The following HRK variants were observed in gnomAD, a reference collection of about 807,000 sequenced individuals.
The protein encoded by HRK is harakiri, BCL2 interacting protein, also known as activator of apoptosis harakiri.
In HRK, 6 loss-of-function variants were observed where a neutral mutation model predicts 5.9. That is an observed-to-expected ratio of 1.02 (90% CI 0.56 to 2.01). The LOEUF (loss-of-function observed/expected upper bound fraction) is 2.01, where lower values mean the gene tolerates loss of function less well. Ranked by LOEUF, HRK falls within the 30% of genes most tolerant of loss-of-function variation. The probability of loss-of-function intolerance (pLI) is 0.00; values close to 1 mark genes in which losing one functional copy is unlikely to be tolerated. For synonymous variants in HRK, 85 were observed against 65.1 expected (o/e 1.31, Z -1.47); for missense variants, 133 against 128.3 (o/e 1.04, Z -0.18).
chr12:116,881,033 T>C lies in HRK; in HGVS notation c.275A>G (p.Ter92TrpextTer55). The C allele has an allele frequency of 1.5e-6, 2 of 1,343,392 alleles. No individual in the cohort carries two copies. Among genetic ancestry groups the C allele is most frequent in the Admixed American group, 3.3e-5 (1 of 30,626 alleles). The allele number at this position is 1,343,392 out of a possible 1,614,324, so 83.2% of individuals were successfully genotyped here. Reference protein sequence around the residue: ...AAWLLGRRNL* With the variant: ...AAWLLGRRNLW ...GCCCCACCAAGAAGCCCCGCGTTCC[T>C]ACAAGTTCCGCCTGCCGAGCAGCCA... Residue 92 changes from the stop codon to tryptophan, a stop_lost, in exon 1 of 2, where the codon TAG (stop) becomes TGG (tryptophan). Transcript: ENST00000257572.
At chr12:116,864,321 TC>T (rs1463035315) in intron 1 of HRK, among the ~76,000 whole-genome samples, 1 of 152,204 alleles carries the variant, frequency 6.6e-6, no homozygotes, top group Non-Finnish European at 1.5e-5. Flanking sequence ...TGTGTGGACA[TC>T]GTGCTAAGCA....
rs1048541637 is a variant in HRK, at chr12:116,881,157, G to A, written c.151C>T (p.Arg51Trp). 5 of 1,178,870 alleles carry A rather than the reference G, an allele frequency of 4.2e-6. No homozygotes were observed. The African/African-American group carries it at 8.1e-5, about 19-fold the overall frequency. The allele number at this position is 1,178,870 out of a possible 1,614,324, so 73.0% of individuals were successfully genotyped here. A position where few individuals can be genotyped will look rare whatever the true frequency, so the allele number is the denominator to read the frequency against. ...GDELHQRTMW[R>W]RRARSRRAPA... The stretch of plus-strand genomic sequence containing the variant: ...GCCCTCCGGCTCCGCGCGCGGCGCC[G>A]CCACATGGTGCGCTGGTGCAGCTCG... Residue 51 changes from arginine (R) to tryptophan (W), a missense_variant, in exon 1 of 2, where the codon CGG becomes TGG. Arg to Trp is a moderately radical substitution (Grantham distance 101, BLOSUM62 -3). Coordinates refer to ENST00000257572, the MANE Select transcript of HRK (RefSeq NM_003806.4).
At chr12:116,864,690 T>C (rs1269571140) in intron 1 of HRK, among the ~76,000 whole-genome samples, 2 of 152,206 alleles carry the variant, frequency 1.3e-5, no homozygotes, top group African/African-American at 4.8e-5. Context: ...CCAGGTGCTA[T>C]GGCTCACGCC....
At chr12:116,880,062 T>TC in intron 1 of HRK, among the ~76,000 whole-genome samples, 1 of 151,864 alleles carries the variant, frequency 6.6e-6, no homozygotes, top group East Asian at 1.9e-4. Flanking sequence ...GGCACAATGA[T>TC]CCCCCCACCC....
intron 1 of HRK, among the ~76,000 whole-genome samples, chr12:116,863,952 T>C (rs946648360): frequency 3.3e-5 from 5 of 152,130 alleles, no homozygotes; most frequent in African/African-American, 7.2e-5. Context: ...TCGTCCCGCA[T>C]TGGCCTCCCA....
intron 1 of HRK, among the ~76,000 whole-genome samples, chr12:116,880,428 G>A (rs1042098091): frequency 2.6e-5 from 4 of 152,154 alleles, no homozygotes; most frequent in Non-Finnish European, 5.9e-5. Context: ...ACCTGGAGGG[G>A]GAGGAAGTCT....
chr12:116,856,572 G>A lies in HRK; in HGVS notation c.*4951C>T, dbSNP rs989261608. The A allele has an allele frequency of 6.6e-6, 1 of 152,190 alleles. No homozygotes were observed. Among genetic ancestry groups the A allele is most frequent in the African/African-American group, 2.4e-5 (1 of 41,448 alleles). The allele number at this position is 152,190 out of a possible 1,614,324, so 9.4% of individuals were successfully genotyped here. On this transcript the variant is annotated 3_prime_UTR_variant, in exon 2 of 2. Transcript: ENST00000257572. The surrounding 1 kb of genome is among the most constrained non-coding windows in gnomAD (Gnocchi z 4.4). ...GGCATGAGTATATAAAATCCACAACGAAACCAACCAGCCTGTCCTTGAGTG... is the reference window on the plus strand; with the variant it reads ...GGCATGAGTATATAAAATCCACAACAAAACCAACCAGCCTGTCCTTGAGTG...
chr12:116,869,197 G>C (rs1878655259), intron 1 of HRK, among the ~76,000 whole-genome samples: 1 of 152,086 alleles, frequency 6.6e-6, no homozygotes, highest in Non-Finnish European at 1.5e-5. Context: ...GGCCAGGCTG[G>C]TCTTGAACTC....
intron 1 of HRK, among the ~76,000 whole-genome samples, chr12:116,877,583 A>G (rs1262859732): frequency 2.6e-5 from 4 of 152,238 alleles, no homozygotes; most frequent in Middle Eastern, 3.2e-3. Flanking sequence ...GGCCAGCAAT[A>G]ATAATGGTAA....
chr12:116,873,607 A>C (rs1353032496), intron 1 of HRK, among the ~76,000 whole-genome samples: 1 of 152,068 alleles, frequency 6.6e-6, no homozygotes, highest in Non-Finnish European at 1.5e-5. Context: ...TCCAGGGCTC[A>C]AGCAATCTTC....
At chr12:116,870,968 G>T (rs146056247) in intron 1 of HRK, among the ~76,000 whole-genome samples, 4 of 152,312 alleles carry the variant, frequency 2.6e-5, no homozygotes, top group Non-Finnish European at 4.4e-5. Context: ...GCTCAAGCTG[G>T]AGTGCAATGG....
intron 1 of HRK, among the ~76,000 whole-genome samples, chr12:116,880,481 G>C (rs12311027): frequency 0.027 from 4,093 of 152,280 alleles, 181 homozygotes; most frequent in African/African-American, 0.093. Flanking sequence ...TCAGAGATTG[G>C]AGAAGTGACA....
Position 116,878,352 on chromosome 12 carries a change from CCT to C in HRK, c.*56+2622_*56+2623del, listed in dbSNP as rs1879012543. On this transcript the variant is annotated intron_variant, in intron 1 of 1. Coordinates refer to ENST00000257572, the MANE Select transcript of HRK (RefSeq NM_003806.4). This position sits in a 1 kb window ranked among gnomAD's most constrained non-coding sequence, Gnocchi z 4.4. Reference sequence around the variant, plus strand: ...CCTAAGGTACAGCTGTGAACATTCCCCTTTTTCTTTTAGGGTAGGGAAGGTGG... The same window carrying C: ...CCTAAGGTACAGCTGTGAACATTCCCTTTTCTTTTAGGGTAGGGAAGGTGG... 6.6e-6 allele frequency: 1 copy of C among 152,288 alleles called. No individual in the cohort carries two copies. The highest frequency in any genetic ancestry group is 1.5e-5 in the Non-Finnish European group (1 of 68,100). The allele number at this position is 152,288 out of a possible 1,614,324, so 9.4% of individuals were successfully genotyped here. A position where few individuals can be genotyped will look rare whatever the true frequency, so the allele number is the denominator to read the frequency against.
chr12:116,881,129 G>C lies in HRK; in HGVS notation c.179C>G (p.Pro60Arg). Residue 60 changes from proline to arginine, a missense_variant, in exon 1 of 2, where the codon CCG (proline) becomes CGG (arginine). By Grantham distance (103) the Pro-to-Arg change is moderately radical. Coordinates refer to ENST00000257572, the MANE Select transcript of HRK (RefSeq NM_003806.4). The part of the protein sequence containing the change: ...WRRRARSRRA[P>R]APGALPTYWP... ...GTAGGTGGGGAGCGCGCCGGGCGCC[G>C]GCGCCCTCCGGCTCCGCGCGCGGCG... 1.7e-6 allele frequency: 2 copies of C among 1,210,596 alleles called. No homozygotes were observed. The highest frequency in any genetic ancestry group is 2.1e-6 in the Non-Finnish European group (2 of 975,328). 75.0% of individuals were successfully genotyped at this position (1,210,596 alleles called of 1,614,324 possible).
rs1448580988 is a variant in HRK at position 116,879,123 on chromosome 12, C to T, written c.*56+1853G>A. 6.6e-6 allele frequency: 1 copy of T among 152,240 alleles called. No homozygotes were observed. Among genetic ancestry groups the T allele is most frequent in the Non-Finnish European group, 1.5e-5 (1 of 68,086 alleles). The allele number at this position is 152,240 out of a possible 1,614,324, so 9.4% of individuals were successfully genotyped here. A position where few individuals can be genotyped will look rare whatever the true frequency, so the allele number is the denominator to read the frequency against. ...CAGGCTCCGGCCCGGAGTCCTCGGC[C>T]TCCCGGGAGGGGCACCCGACATCCC... is the stretch of plus-strand genomic sequence containing the variant. On this transcript the variant is annotated intron_variant, in intron 1 of 1. Transcript: ENST00000257572. The surrounding 1 kb of genome is among the most constrained non-coding windows in gnomAD (Gnocchi z 5.6).
Position 116,861,048 on chromosome 12 carries a change from C to T in HRK, c.*475G>A, listed in dbSNP as rs911566272. 1 of 152,076 alleles carries T rather than the reference C, an allele frequency of 6.6e-6. No homozygotes were observed. Among genetic ancestry groups the T allele is most frequent in the Admixed American group, 6.6e-5 (1 of 15,262 alleles). The allele number at this position is 152,076 out of a possible 1,614,324, so 9.4% of individuals were successfully genotyped here. A position where few individuals can be genotyped will look rare whatever the true frequency, so the allele number is the denominator to read the frequency against. On this transcript the variant is annotated 3_prime_UTR_variant, in exon 2 of 2. Coordinates refer to ENST00000257572, the MANE Select transcript of HRK (RefSeq NM_003806.4). ...CCTCTTATTCCACCAGCATCTATCC[C>T]CAGGCAGTTGGCCGATGCTGGGGCT... is the stretch of plus-strand genomic sequence containing the variant.
intron 1 of HRK, among the ~76,000 whole-genome samples, chr12:116,872,950 G>GGACA (rs1555212815): frequency 3.2e-5 from 3 of 94,302 alleles, no homozygotes; most frequent in African/African-American, 5.0e-5. Flanking sequence ...GCAGAAAGAA[G>GGACA]GAAAGAAAAT....
chr12:116,869,439 T>A (rs1878666079), intron 1 of HRK: 1 of 152,174 alleles, frequency 6.6e-6, no homozygotes, highest in Non-Finnish European at 1.5e-5. Flanking sequence ...TCCAAGCCAC[T>A]CACATGTAGA....
At chr12:116,865,200 G>A (rs2137245224) in intron 1 of HRK, among the ~76,000 whole-genome samples, 1 of 152,228 alleles carries the variant, frequency 6.6e-6, no homozygotes, top group East Asian at 1.9e-4. Flanking sequence ...TGTCAGCAAA[G>A]AATTAGGACT....
Sources: gnomAD v4.1 joint callset for allele counts (sites outside exome capture counted in the v4.1 genomes callset) on GRCh38, gnomAD v4.1.1 for gene constraint, Gnocchi (gnomAD v3.1) non-coding constraint, MANE v1.5 for transcripts, NCBI Gene and HGNC (gene_info 2026-07-23, HGNC 2026-07-21) for gene names.